The following PHACTR2 variants were observed in gnomAD, a reference collection of about 807,000 sequenced individuals.
PHACTR2 encodes the protein phosphatase and actin regulator 2.
Under a neutral mutation model 76.0 loss-of-function variants are expected in PHACTR2, and 30 were observed. That is an observed-to-expected ratio of 0.39 (90% CI 0.30 to 0.54). The LOEUF (loss-of-function observed/expected upper bound fraction) is 0.54. Ranked by LOEUF, PHACTR2 falls within the 20% of genes least tolerant of loss-of-function variation. The pLI, the probability that PHACTR2 is intolerant of heterozygous loss-of-function variation, is 0.61. For synonymous variants in PHACTR2, 292 were observed against 292.5 expected (o/e 1.00, Z 0.02); for missense variants, 696 against 781.1 (o/e 0.89, Z 1.30).
In PHACTR2 at chr6:143,698,259, A is replaced by G. The variant is rs1353961994; in HGVS notation, c.47-13757A>G. Among the ~76,000 whole-genome samples the G allele has an allele frequency of 1.3e-5, 2 of 152,214 alleles. No individual in the cohort carries two copies. The highest frequency in any genetic ancestry group is 4.8e-5 in the African/African-American group (2 of 41,456). ...GGAATGCTTGCTTAACACACCTGTC[A>G]TTTTAAAGAAAGAAACCAAAATAGA... On this transcript the variant is annotated intron_variant, in intron 1 of 12. Coordinates refer to ENST00000440869, the MANE Select transcript of PHACTR2 (RefSeq NM_001100164.2). The surrounding 1 kb of genome is among the most constrained non-coding windows in gnomAD (Gnocchi z 4.3).
chr6:143,735,676 A>C lies in PHACTR2; in HGVS notation c.215-13309A>C, dbSNP rs566584546. Among the ~76,000 whole-genome samples, 13 of 152,112 alleles carry C rather than the reference A, an allele frequency of 8.5e-5. No individual in the cohort carries two copies. The East Asian group carries it at 2.1e-3, about 25-fold the overall frequency. The stretch of plus-strand genomic sequence containing the variant: ...ATGCAAAACATTATTGACACCAATG[A>C]AAGTTTAATCACCTGTGTTAAGTAA... On this transcript the variant is annotated intron_variant, in intron 2 of 12. Coordinates refer to ENST00000440869, the MANE Select transcript of PHACTR2 (RefSeq NM_001100164.2).
chr6:143,803,334 G>A lies in PHACTR2; in HGVS notation c.1846-3723G>A, dbSNP rs772101061. Among the ~76,000 whole-genome samples the A allele has an allele frequency of 1.3e-5, 2 of 152,190 alleles. No individual in the cohort carries two copies. Among genetic ancestry groups the A allele is most frequent in the Non-Finnish European group, 2.9e-5 (2 of 68,042 alleles). On this transcript the variant is annotated intron_variant, in intron 11 of 12. Transcript: ENST00000440869. The surrounding 1 kb of genome is among the most constrained non-coding windows in gnomAD (Gnocchi z 4.7). ...AGGCCGAAGTGGGGAGATTGCTTGA[G>A]CCTAGGAGTTTGAGACCAGCCTGGC...
rs377480499 is a variant in PHACTR2, at chr6:143,710,650, T to C, written c.47-1366T>C. ...AGGCGGTGGTTGCAGTGAGCTGAGA[T>C]CGCGCCACTGCACTCCAGCCTGGGC... On this transcript the variant is annotated intron_variant, in intron 1 of 12. Coordinates refer to ENST00000440869, the MANE Select transcript of PHACTR2 (RefSeq NM_001100164.2). This position sits in a 1 kb window ranked among gnomAD's most constrained non-coding sequence, Gnocchi z 4.9. Among the ~76,000 whole-genome samples the C allele has an allele frequency of 1.2e-4, 18 of 152,208 alleles. No homozygotes were observed. The highest frequency in any genetic ancestry group is 4.3e-4 in the African/African-American group (18 of 41,516).
At position 143,738,642 on chromosome 6, in the gene PHACTR2, G is replaced by A. The variant is rs183072552; in HGVS notation, c.215-10343G>A. Among the ~76,000 whole-genome samples, 17 of 151,912 alleles carry A rather than the reference G, an allele frequency of 1.1e-4. No homozygotes were observed. The highest frequency in any genetic ancestry group is 2.2e-4 in the Non-Finnish European group (15 of 67,962). The stretch of plus-strand genomic sequence containing the variant: ...ATGGTGGTGCATGCCTGTAGTCCCA[G>A]CTACTTAGGAGGCTAAGGTGAGAGG... On this transcript the variant is annotated intron_variant, in intron 2 of 12. Coordinates refer to ENST00000440869, the MANE Select transcript of PHACTR2 (RefSeq NM_001100164.2). This position sits in a 1 kb window ranked among gnomAD's most constrained non-coding sequence, Gnocchi z 4.0.
At position 143,754,791 on chromosome 6, in the gene PHACTR2, T is replaced by A. The variant is rs1461874219; in HGVS notation, c.454+879T>A. Among the ~76,000 whole-genome samples, 1 of 152,178 alleles carries A rather than the reference T, an allele frequency of 6.6e-6. No individual in the cohort carries two copies. The highest frequency in any genetic ancestry group is 1.5e-5 in the Non-Finnish European group (1 of 68,036). On this transcript the variant is annotated intron_variant, in intron 4 of 12. Coordinates refer to ENST00000440869, the MANE Select transcript of PHACTR2 (RefSeq NM_001100164.2). This position sits in a 1 kb window ranked among gnomAD's most constrained non-coding sequence, Gnocchi z 6.2. ...AGGAATCTTTAGGAAATATACTATT[T>A]CCTATTTTATAATGTCTGTCTCTAA...
At chr6:143,622,227 G>A (rs772149100) in intron 1 of PHACTR2, among the ~76,000 whole-genome samples, 8 of 152,080 alleles carry the variant, frequency 5.3e-5, no homozygotes, top group Non-Finnish European at 8.8e-5. Context: ...CAGAGATCCT[G>A]CCCAAACCTC....
rs192640812 is a variant in PHACTR2 at position 143,720,019 on chromosome 6, C to G, written c.214+7836C>G. Among the ~76,000 whole-genome samples the G allele has an allele frequency of 2.4e-3, 368 of 152,068 alleles. 1 individual carries two copies. The highest frequency in any genetic ancestry group is 4.5e-3 in the Non-Finnish European group (305 of 67,974). On this transcript the variant is annotated intron_variant, in intron 2 of 12. Transcript: ENST00000440869. The stretch of plus-strand genomic sequence containing the variant: ...TAGAGACGGGGTTTCAACGTGTTGG[C>G]CAGGCTGGTCTCAAACTCCTGACCT...
At chr6:143,634,958 T>C (rs1008681279) in intron 1 of PHACTR2, among the ~76,000 whole-genome samples, 1 of 152,116 alleles carries the variant, frequency 6.6e-6, no homozygotes. Flanking sequence ...TTAGATAGCC[T>C]GAGGAACTGA....
In PHACTR2 at chr6:143,760,130, C is replaced by T. The variant is rs1779400701; in HGVS notation, c.455-271C>T. Reference sequence around the variant, plus strand: ...TGGAACTGAGGCCCCTGACTGCAAACATTTACACACATCCTCAACCTAATT... The same window carrying T: ...TGGAACTGAGGCCCCTGACTGCAAATATTTACACACATCCTCAACCTAATT... On this transcript the variant is annotated intron_variant, in intron 4 of 12. Coordinates refer to ENST00000440869, the MANE Select transcript of PHACTR2 (RefSeq NM_001100164.2). The surrounding 1 kb of genome is among the most constrained non-coding windows in gnomAD (Gnocchi z 6.4). Among the ~76,000 whole-genome samples the T allele has an allele frequency of 6.6e-6, 1 of 152,206 alleles. No homozygotes were observed. Among genetic ancestry groups the T allele is most frequent in the Non-Finnish European group, 1.5e-5 (1 of 68,038 alleles).
chr6:143,677,299 C>T (rs1215051260), upstream of PHACTR2, among the ~76,000 whole-genome samples: 1 of 151,892 alleles, frequency 6.6e-6, no homozygotes, highest in Non-Finnish European at 1.5e-5. Context: ...TATTTGTATT[C>T]ATATTTTTAA....
upstream of PHACTR2, among the ~76,000 whole-genome samples, chr6:143,675,619 C>CAAA (rs939476881): frequency 2.0e-5 from 3 of 152,138 alleles, no homozygotes; most frequent in African/African-American, 7.2e-5. This position sits in a 1 kb window ranked among gnomAD's most constrained non-coding sequence, Gnocchi z 4.9. Flanking sequence ...AAATAGAGAA[C>CAAA]AAAGGGTGGG....
At position 143,592,481 on chromosome 6, in the gene PHACTR2, A is replaced by G. The variant is rs141057342; in HGVS notation, c.217+55274A>G. Reference sequence around the variant, plus strand: ...GGAAATCCTAATTCCAAGATGTCCCAGTCACACTAGGACTTGTACTCCAGG... The same window carrying G: ...GGAAATCCTAATTCCAAGATGTCCCGGTCACACTAGGACTTGTACTCCAGG... On this transcript the variant is annotated intron_variant, in intron 1 of 11. Transcript: ENST00000367584. The surrounding 1 kb of genome is among the most constrained non-coding windows in gnomAD (Gnocchi z 4.0). Among the ~76,000 whole-genome samples the G allele has an allele frequency of 6.6e-6, 1 of 152,302 alleles. No homozygotes were observed. The highest frequency in any genetic ancestry group is 2.4e-5 in the African/African-American group (1 of 41,568).
At position 143,557,725 on chromosome 6, in the gene PHACTR2, C is replaced by G. The variant is rs948572474; in HGVS notation, c.217+20518C>G. 1.3e-5 allele frequency: 2 copies of G among 152,168 alleles called. No homozygotes were observed. The highest frequency in any genetic ancestry group is 2.9e-5 in the Non-Finnish European group (2 of 68,046). The allele number at this position is 152,168 out of a possible 1,614,324, so 9.4% of individuals were successfully genotyped here. On this transcript the variant is annotated intron_variant, in intron 1 of 11. Transcript: ENST00000367584. The surrounding 1 kb of genome is among the most constrained non-coding windows in gnomAD (Gnocchi z 5.5). ...GTTCCTTGCGTACCCCACCCTCCTT[C>G]GTCAGCATGCTGCCACCTTTGAAAC...
upstream of PHACTR2, among the ~76,000 whole-genome samples, chr6:143,606,295 C>G (rs1775869687): frequency 6.6e-6 from 1 of 152,014 alleles, no homozygotes; most frequent in Admixed American, 6.6e-5. Context: ...GGATTTTAGA[C>G]TTGTGAGTAA....
rs1471958095 is a variant in PHACTR2 at position 143,683,489 on chromosome 6, C to T, written c.46+5280C>T. On this transcript the variant is annotated intron_variant, in intron 1 of 12. Coordinates refer to ENST00000440869, the MANE Select transcript of PHACTR2 (RefSeq NM_001100164.2). The surrounding 1 kb of genome is among the most constrained non-coding windows in gnomAD (Gnocchi z 4.1). ...GGTGCCACAGATCAGCACTTGGCTG[C>T]TTCTCCTCAATCCTTGGGTTGAAAG... is the stretch of plus-strand genomic sequence containing the variant. Among the ~76,000 whole-genome samples the T allele has an allele frequency of 6.6e-6, 1 of 152,150 alleles. No individual in the cohort carries two copies.
At position 143,581,677 on chromosome 6, in the gene PHACTR2, G is replaced by T. The variant is rs75151826; in HGVS notation, c.217+44470G>T. Among the ~76,000 whole-genome samples the T allele has an allele frequency of 6.6e-6, 1 of 151,968 alleles. No homozygotes were observed. The highest frequency in any genetic ancestry group is 2.4e-5 in the African/African-American group (1 of 41,362). On this transcript the variant is annotated intron_variant, in intron 1 of 11. Coordinates refer to the PHACTR2 transcript ENST00000367584. The surrounding 1 kb of genome is among the most constrained non-coding windows in gnomAD (Gnocchi z 4.5). ...AAACCCTGTCTCTACCAAAAAATAC[G>T]AACATTAGCTGGACATGGTGGTGGG...
chr6:143,706,411 T>G (rs1326177209), intron 1 of PHACTR2, among the ~76,000 whole-genome samples: 1 of 152,174 alleles, frequency 6.6e-6, no homozygotes, highest in Admixed American at 6.5e-5. Context: ...TGTCTATAAT[T>G]CATTTACTTA....
Position 143,818,277 on chromosome 6 carries a change from G to C in PHACTR2, c.1923-5397G>C, listed in dbSNP as rs1366703459. On this transcript the variant is annotated intron_variant, in intron 12 of 12. Coordinates refer to ENST00000440869, the MANE Select transcript of PHACTR2 (RefSeq NM_001100164.2). The surrounding 1 kb of genome is among the most constrained non-coding windows in gnomAD (Gnocchi z 4.9). Reference sequence around the variant, plus strand: ...AGAAGTACAGATGAAGACATGTTTTGATCTCATACTGAAATGTAGGTTAGG... The same window carrying C: ...AGAAGTACAGATGAAGACATGTTTTCATCTCATACTGAAATGTAGGTTAGG... Among the ~76,000 whole-genome samples the C allele has an allele frequency of 6.6e-6, 1 of 152,132 alleles. No individual in the cohort carries two copies. Among genetic ancestry groups the C allele is most frequent in the African/African-American group, 2.4e-5 (1 of 41,416 alleles).
At position 143,806,157 on chromosome 6, in the gene PHACTR2, T is replaced by G. The variant is rs937941499; in HGVS notation, c.1846-900T>G. Among the ~76,000 whole-genome samples the G allele has an allele frequency of 1.3e-5, 2 of 152,212 alleles. No homozygotes were observed. Among genetic ancestry groups the G allele is most frequent in the African/African-American group, 4.8e-5 (2 of 41,460 alleles). On this transcript the variant is annotated intron_variant, in intron 11 of 12. Coordinates refer to ENST00000440869, the MANE Select transcript of PHACTR2 (RefSeq NM_001100164.2). The surrounding 1 kb of genome is among the most constrained non-coding windows in gnomAD (Gnocchi z 5.8). ...ATTTGAAACCACGAACCATCTGTAA[T>G]CCTGCCACTATTTGTTAACAGATAA...
Sources: gnomAD v4.1 joint callset for allele counts (sites outside exome capture counted in the v4.1 genomes callset) on GRCh38, gnomAD v4.1.1 for gene constraint, Gnocchi (gnomAD v3.1) non-coding constraint, MANE v1.5 for transcripts, NCBI Gene and HGNC (gene_info 2026-07-23, HGNC 2026-07-21) for gene names.